CACNA2D1: variants seen among roughly 807,000 people sequenced by gnomAD.
The protein encoded by CACNA2D1 is calcium voltage-gated channel auxiliary subunit alpha2delta 1.
Under a neutral mutation model 171.5 loss-of-function variants are expected in CACNA2D1, and 53 were observed. That is an observed-to-expected ratio of 0.31 (90% CI 0.25 to 0.39). The LOEUF (loss-of-function observed/expected upper bound fraction) is 0.39. CACNA2D1 is among the 10% of genes least tolerant of loss of function. CACNA2D1 has a pLI of 1.00. For missense variants in CACNA2D1, 903 were observed against 1,299.8 expected, an observed-to-expected ratio of 0.69 and a Z score of 4.69; for synonymous variants, 442 against 443.1, an observed-to-expected ratio of 1.00 and a Z score of 0.03.
chr7:82,428,706 C>A (rs1829416779), intron 1 of CACNA2D1, among the ~76,000 whole-genome samples: 1 of 152,136 alleles, frequency 6.6e-6, no homozygotes, highest in South Asian at 2.1e-4. Flanking sequence ...TAAGCCTTAC[C>A]ATTTCCCCTA....
chr7:82,014,988 G>T (rs992637927), intron 12 of CACNA2D1, among the ~76,000 whole-genome samples: 3 of 152,014 alleles, frequency 2.0e-5, no homozygotes, highest in Admixed American at 1.3e-4. Flanking sequence ...GGAGGCGGAG[G>T]TTACAGTGAG....
At chr7:82,064,651 T>C (rs1179684057) in intron 8 of CACNA2D1, among the ~76,000 whole-genome samples, 3 of 152,244 alleles carry the variant, frequency 2.0e-5, no homozygotes, top group African/African-American at 7.2e-5. Context: ...GGAAAAACAA[T>C]TATCTAAACT....
chr7:82,443,618 C>G lies in CACNA2D1; in HGVS notation c.-159G>C, dbSNP rs1830681863. ...CCGAGGCGCGGAGCCGCGCGGGGGA[C>G]GGCAAGGGCGGGAGCGGACGCCGAG... is the stretch of plus-strand genomic sequence containing the variant. On this transcript the variant is annotated 5_prime_UTR_variant, in exon 1 of 39. Coordinates refer to ENST00000356860, the MANE Select transcript of CACNA2D1 (RefSeq NM_000722.4). 3.0e-6 allele frequency: 4 copies of G among 1,352,110 alleles called. No homozygotes were observed. Among genetic ancestry groups the G allele is most frequent in the Non-Finnish European group, 2.8e-6 (3 of 1,058,770 alleles). The allele number at this position is 1,352,110 out of a possible 1,614,324, so 83.8% of individuals were successfully genotyped here. A position where few individuals can be genotyped will look rare whatever the true frequency, so the allele number is the denominator to read the frequency against.
intron 24 of CACNA2D1, among the ~76,000 whole-genome samples, chr7:81,974,865 G>A (rs1355739435): frequency 6.6e-6 from 1 of 151,758 alleles, no homozygotes; most frequent in South Asian, 2.1e-4. Context: ...AGAAATCTTG[G>A]GGCATCGGGG....
intron 8 of CACNA2D1, among the ~76,000 whole-genome samples, chr7:82,066,144 A>G (rs1425054198): frequency 6.6e-6 from 1 of 152,022 alleles, no homozygotes; most frequent in Non-Finnish European, 1.5e-5. Context: ...TTGGAGCTCT[A>G]CTCCAAGCAA....
At chr7:81,952,860 C>A (rs1349088160) in intron 38 of CACNA2D1, among the ~76,000 whole-genome samples, 1 of 151,940 alleles carries the variant, frequency 6.6e-6, no homozygotes, top group East Asian at 1.9e-4. Flanking sequence ...TGATCTCTAC[C>A]TTTCTCCTCT....
intron 7 of CACNA2D1, among the ~76,000 whole-genome samples, chr7:82,080,095 ATG>A (rs1342772119): frequency 4.0e-5 from 6 of 150,112 alleles, no homozygotes; most frequent in African/African-American, 1.5e-4. Context: ...ATATGTATAG[ATG>A]TGTGTATATA....
intron 18 of CACNA2D1, among the ~76,000 whole-genome samples, chr7:81,999,166 T>C (rs1398934018): frequency 1.3e-5 from 2 of 152,182 alleles, no homozygotes; most frequent in African/African-American, 4.8e-5. Context: ...ATGAAGATCA[T>C]GTCCCAATCC....
intron 3 of CACNA2D1, among the ~76,000 whole-genome samples, chr7:82,316,385 G>A (rs1815122148): frequency 6.6e-6 from 1 of 151,902 alleles, no homozygotes; most frequent in African/African-American, 2.4e-5. Flanking sequence ...TTTCTTCTCT[G>A]ACTGAATTTT....
At chr7:82,201,972 A>C (rs893025411) in intron 3 of CACNA2D1, among the ~76,000 whole-genome samples, 9 of 152,182 alleles carry the variant, frequency 5.9e-5, no homozygotes, top group Non-Finnish European at 8.8e-5. Context: ...GGACTAAGAC[A>C]ATGATACTGT....
intron 15 of CACNA2D1, among the ~76,000 whole-genome samples, chr7:82,009,775 T>C (rs1799546824): frequency 6.6e-6 from 1 of 152,056 alleles, no homozygotes; most frequent in South Asian, 2.1e-4. Flanking sequence ...ACCAAAAACT[T>C]GTACTCTACT....
chr7:82,127,627 C>T (rs1164061368), intron 5 of CACNA2D1, among the ~76,000 whole-genome samples: 5 of 152,150 alleles, frequency 3.3e-5, no homozygotes, highest in Non-Finnish European at 5.9e-5. Context: ...TTGCTTAGAA[C>T]GCTCATAGGA....
intron 12 of CACNA2D1, 27 bp downstream of exon 12, chr7:82,032,770 A>G: frequency 7.9e-7 from 1 of 1,266,358 alleles, no homozygotes; most frequent in Non-Finnish European, 1.1e-6. Flanking sequence ...CATTATTAAA[A>G]TTTAAATATT....
At chr7:82,101,757 T>C (rs1812704022) in intron 6 of CACNA2D1, among the ~76,000 whole-genome samples, 1 of 152,168 alleles carries the variant, frequency 6.6e-6, no homozygotes, top group Non-Finnish European at 1.5e-5. Flanking sequence ...TCTTTCCGTT[T>C]TTTACCGCAA....
intron 4 of CACNA2D1, among the ~76,000 whole-genome samples, chr7:82,148,962 A>G (rs1793472179): frequency 6.6e-6 from 1 of 152,170 alleles, no homozygotes; most frequent in Non-Finnish European, 1.5e-5. Flanking sequence ...TGCCTCTCAT[A>G]GAATCTTCTT....
intron 4 of CACNA2D1, among the ~76,000 whole-genome samples, chr7:82,147,071 C>T (rs910392197): frequency 2.1e-5 from 3 of 139,970 alleles, no homozygotes; most frequent in Non-Finnish European, 4.6e-5. Flanking sequence ...TACCTGCACA[C>T]ATACACATAA....
intron 9 of CACNA2D1, among the ~76,000 whole-genome samples, chr7:82,062,984 C>T (rs1350574105): frequency 1.3e-5 from 2 of 151,918 alleles, no homozygotes; most frequent in Non-Finnish European, 2.9e-5. Flanking sequence ...TCGGCTTAAG[C>T]CATCCACCTG....
At chr7:82,216,640 C>T (rs1801123187) in intron 3 of CACNA2D1, among the ~76,000 whole-genome samples, 1 of 151,988 alleles carries the variant, frequency 6.6e-6, no homozygotes, top group Non-Finnish European at 1.5e-5. Flanking sequence ...TAAAGCATCA[C>T]CATAATGAGA....
At chr7:82,146,712 C>G (rs1040325276) in intron 4 of CACNA2D1, among the ~76,000 whole-genome samples, 1 of 150,800 alleles carries the variant, frequency 6.6e-6, no homozygotes, top group Non-Finnish European at 1.5e-5. Context: ...TTCGGCCAGG[C>G]GCCTTGACTC....
Sources: allele counts gnomAD v4.1 joint callset (sites outside exome capture counted in the v4.1 genomes callset), GRCh38; gene constraint gnomAD v4.1.1; transcripts MANE v1.5; gene names NCBI Gene and HGNC (gene_info 2026-07-23, HGNC 2026-07-21).